Variants in RIPK1 observed in about 807,000 individuals in gnomAD.
RIPK1 encodes the protein receptor-interacting serine/threonine-protein kinase 1.
Under a neutral mutation model 62.4 loss-of-function variants are expected in RIPK1, and 27 were observed. That is an observed-to-expected ratio of 0.43 (90% CI 0.32 to 0.60). The LOEUF is 0.60. Among genes scored for constraint, RIPK1 ranks in the 20% least tolerant of loss-of-function variants. RIPK1 has a pLI of 0.07. For synonymous variants in RIPK1, 287 were observed against 303.2 expected (o/e 0.95, Z 0.55); for missense variants, 735 against 831.0 (o/e 0.88, Z 1.42).
At chr6:3,081,600 C>G (rs1042690922) in intron 4 of RIPK1, among the ~76,000 whole-genome samples, 6 of 152,026 alleles carry the variant, frequency 3.9e-5, no homozygotes, top group Non-Finnish European at 8.8e-5. Flanking sequence ...GTGGCCCACG[C>G]CTGTTATCTC....
At chr6:3,097,853 A>G (rs1760394288) in intron 7 of RIPK1, among the ~76,000 whole-genome samples, 1 of 152,104 alleles carries the variant, frequency 6.6e-6, no homozygotes, top group African/African-American at 2.4e-5. Context: ...AGATTTTTAA[A>G]TGAATGTATA....
intron 7 of RIPK1, among the ~76,000 whole-genome samples, chr6:3,102,261 T>C (rs921931102): frequency 6.6e-6 from 1 of 152,212 alleles, no homozygotes; most frequent in Non-Finnish European, 1.5e-5. Flanking sequence ...ATACCACACC[T>C]GACACCTCTG....
rs1313466863 is a variant in RIPK1, at chr6:3,105,860, T to G, written c.1385T>G (p.Leu462Arg). 2 of 1,614,166 alleles carry G rather than the reference T, an allele frequency of 1.2e-6. No individual in the cohort carries two copies. The highest frequency in any genetic ancestry group is 1.7e-6 in the Non-Finnish European group (2 of 1,180,022). Reference sequence around the variant, plus strand: ...GGGCTCACCAGCCAACCTCAAGTACTGTATCAGAACAATGGATTATATAGC... The same window carrying G: ...GGGCTCACCAGCCAACCTCAAGTACGGTATCAGAACAATGGATTATATAGC... ...PSGLTSQPQV[L>R]YQNNGLYSSH... is the part of the protein sequence containing the mutation. The change falls in exon 9 of 11, where the codon CTG becomes CGG. Residue 462 changes from leucine to arginine, a missense_variant. Around this residue, in one of 2 missense-constraint regions of RIPK1, gnomAD observed 671 missense variants for 726.2 expected, o/e 0.92. Coordinates refer to ENST00000259808, the MANE Select transcript of RIPK1 (RefSeq NM_001354930.2). This position sits in a 1 kb window ranked among gnomAD's most constrained non-coding sequence, Gnocchi z 4.5.
rs1038904004 is a variant in RIPK1 at position 3,082,176 on chromosome 6, C to T, written c.460-909C>T. On this transcript the variant is annotated intron_variant, in intron 4 of 10. Coordinates refer to ENST00000259808, the MANE Select transcript of RIPK1 (RefSeq NM_001354930.2). The stretch of plus-strand genomic sequence containing the variant: ...AGGGGAAGCAGCCCTGGGGGAGGCA[C>T]CCAGGAGCTGCTGACACAGGGGCCT... Among the ~76,000 whole-genome samples the T allele has an allele frequency of 6.6e-5, 10 of 152,252 alleles. No homozygotes were observed. The East Asian group carries it at 7.7e-4, about 12-fold the overall frequency.
chr6:3,074,984 TG>T (rs1758974985), intron 1 of RIPK1, among the ~76,000 whole-genome samples: 2 of 152,214 alleles, frequency 1.3e-5, no homozygotes, highest in Non-Finnish European at 2.9e-5. Context: ...CCAGCCGGGA[TG>T]TGGGTATTTC....
chr6:3,079,295 G>T (rs192568629), intron 3 of RIPK1, among the ~76,000 whole-genome samples: 2 of 152,110 alleles, frequency 1.3e-5, no homozygotes, highest in African/African-American at 4.8e-5. Context: ...GGTCAGGCTG[G>T]TCTCGAACTC....
intron 1 of RIPK1, among the ~76,000 whole-genome samples, chr6:3,070,160 G>C (rs1461711610): frequency 6.6e-6 from 1 of 152,058 alleles, no homozygotes; most frequent in Non-Finnish European, 1.5e-5. Context: ...ATTTTCCTCT[G>C]TCTGAACTAT....
Position 3,110,966 on chromosome 6 carries a change from C to T in RIPK1, c.1729+11C>T, listed in dbSNP as rs965764010. Reference sequence around the variant, plus strand: ...ACCAAGCTATCTTTGGTAAGATACCCTGGAAGGACTCAACGCCTAGCAACC... The same window carrying T: ...ACCAAGCTATCTTTGGTAAGATACCTTGGAAGGACTCAACGCCTAGCAACC... On this transcript the variant is annotated intron_variant, in intron 10 of 10. Transcript: ENST00000259808. 1.7e-5 allele frequency: 27 copies of T among 1,596,516 alleles called. No homozygotes were observed. The highest frequency in any genetic ancestry group is 2.2e-5 in the Non-Finnish European group (26 of 1,171,248).
rs138924769 is a variant in RIPK1 at position 3,083,231 on chromosome 6, C to T, written c.606C>T (p.Asn202=). ...YMAPEHLNDV[N]AKPTEKSDVY... ...CGCCCGAGCACCTGAATGACGTCAACGCAAAGCCCACAGAGAAGTCGGATG... is the reference window on the plus strand; with the variant it reads ...CGCCCGAGCACCTGAATGACGTCAATGCAAAGCCCACAGAGAAGTCGGATG... Residue 202 remains asparagine (N), a synonymous_variant, in exon 5 of 11, where the codon AAC becomes AAT. Coordinates refer to ENST00000259808, the MANE Select transcript of RIPK1 (RefSeq NM_001354930.2). 1.3e-5 allele frequency: 21 copies of T among 1,613,858 alleles called. No individual in the cohort carries two copies. Among genetic ancestry groups the T allele is most frequent in the Non-Finnish European group, 1.4e-5 (17 of 1,180,016 alleles).
intron 3 of RIPK1, among the ~76,000 whole-genome samples, chr6:3,078,881 G>C (rs116837343): frequency 6.6e-6 from 1 of 151,938 alleles, no homozygotes; most frequent in Admixed American, 6.6e-5. Flanking sequence ...GAGGCAGATA[G>C]CTAAATAAGT....
intron 7 of RIPK1, among the ~76,000 whole-genome samples, chr6:3,097,489 G>A (rs1411288899): frequency 6.6e-6 from 1 of 152,216 alleles, no homozygotes; most frequent in Non-Finnish European, 1.5e-5. Flanking sequence ...GAGCAGTGGG[G>A]AAGTGACAGT....
At chr6:3,100,922 T>A (rs1760560283) in intron 7 of RIPK1, among the ~76,000 whole-genome samples, 1 of 152,126 alleles carries the variant, frequency 6.6e-6, no homozygotes, top group African/African-American at 2.4e-5. Context: ...GACTTTGTAC[T>A]TAACATATTT....
intron 4 of RIPK1, 26 bp downstream of exon 4, chr6:3,081,142 GA>G: frequency 6.2e-7 from 1 of 1,607,524 alleles, no homozygotes; most frequent in Non-Finnish European, 8.5e-7. Flanking sequence ...TAGGCTTCCA[GA>G]AAGTTGGGTG....
At chr6:3,076,152 G>T (rs994996015) in intron 1 of RIPK1, among the ~76,000 whole-genome samples, 6 of 152,066 alleles carry the variant, frequency 3.9e-5, no homozygotes, top group Non-Finnish European at 8.8e-5. Flanking sequence ...ATGAATGTTT[G>T]TATTATGTTG....
rs369039534 is a variant in RIPK1 at position 3,085,403 on chromosome 6, T to A, written c.833T>A (p.Phe278Tyr). The change falls in exon 6 of 11, where the codon TTT becomes TAT. Residue 278 changes from phenylalanine to tyrosine, a missense_variant. Coordinates refer to ENST00000259808, the MANE Select transcript of RIPK1 (RefSeq NM_001354930.2). ...GCGAATCCGGAAGCTCGGCCGACAT[T>A]TCCTGGTAAGAGCATCTTTTCTGAC... ...WEANPEARPT[F>Y]PGIEEKFRPF... The A allele has an allele frequency of 1.1e-5, 18 of 1,614,026 alleles. No individual in the cohort carries two copies. The highest frequency in any genetic ancestry group is 1.5e-5 in the Non-Finnish European group (18 of 1,180,018).
In RIPK1 at chr6:3,104,595, A is replaced by T. The variant is rs1760742829; in HGVS notation, c.1006+280A>T. On this transcript the variant is annotated intron_variant, in intron 8 of 10. Transcript: ENST00000259808. ...CAGAAGAAGGAAGGGGACATATGTG[A>T]GAGCAAAGTCCCTGAGGAGCTCGGA... Among the ~76,000 whole-genome samples the T allele has an allele frequency of 2.0e-5, 3 of 152,190 alleles. No individual in the cohort carries two copies. In the South Asian group the frequency reaches 6.2e-4, roughly 32 times the overall value.
intron 6 of RIPK1, among the ~76,000 whole-genome samples, chr6:3,086,546 C>T (rs560198262): frequency 6.6e-6 from 1 of 152,338 alleles, no homozygotes; most frequent in East Asian, 1.9e-4. Flanking sequence ...GAAAGACTCA[C>T]ATAACTCAAG....
chr6:3,071,816 ACAG>A (rs1340592205), intron 1 of RIPK1, among the ~76,000 whole-genome samples: 11 of 152,322 alleles, frequency 7.2e-5, no homozygotes, highest in Admixed American at 2.0e-4. Flanking sequence ...TCCACCGCAC[ACAG>A]CAGCACCTGC....
Position 3,085,329 on chromosome 6 carries a change from T to TAC in RIPK1, c.759_760insAC (p.Glu254ThrfsTer12), listed in dbSNP as rs1759631956. The stretch of plus-strand genomic sequence containing the variant: ...ACAGGCCAGATGTGGATGACATCAC[T>TAC]GAGTACTGCCCAAGAGAAATTATCA... On this transcript the variant is annotated frameshift_variant, in exon 6 of 11. Transcript: ENST00000259808. LOFTEE classifies it high-confidence loss of function. 6.2e-7 allele frequency: 1 copy of TAC among 1,614,216 alleles called. No individual in the cohort carries two copies. The highest frequency in any genetic ancestry group is 8.5e-7 in the Non-Finnish European group (1 of 1,180,008).
Sources: allele counts gnomAD v4.1 joint callset (sites outside exome capture counted in the v4.1 genomes callset), GRCh38; gene constraint gnomAD v4.1.1; regional missense constraint gnomAD v4.1.1; non-coding constraint Gnocchi (gnomAD v3.1); transcripts MANE v1.5; gene names NCBI Gene and HGNC (gene_info 2026-07-23, HGNC 2026-07-21).